The following CNTN5 variants were observed in gnomAD, a reference collection of about 807,000 sequenced individuals.
CNTN5 encodes the protein contactin-5.
CNTN5 carries 77 observed loss-of-function variants against 129.1 expected under a neutral mutation model. The ratio of observed to expected loss-of-function variants is 0.60; its 90% CI spans 0.50 to 0.72. The LOEUF (loss-of-function observed/expected upper bound fraction) is 0.72. Among genes scored for constraint, CNTN5 ranks in the 30% least tolerant of loss-of-function variants. The pLI, the probability that CNTN5 is intolerant of heterozygous loss-of-function variation, is 0.00. For synonymous variants in CNTN5, 509 were observed against 465.6 expected (o/e 1.09, Z -1.20); for missense variants, 1,478 against 1,328.8 (o/e 1.11, Z -1.75).
At chr11:99,952,840 G>T (rs1161128713) in intron 7 of CNTN5, among the ~76,000 whole-genome samples, 1 of 152,248 alleles carries the variant, frequency 6.6e-6, no homozygotes, top group African/African-American at 2.4e-5. Flanking sequence ...CCATAAAGTT[G>T]AGCATTTTAT....
At chr11:99,623,619 G>A (rs1224339450) in intron 3 of CNTN5, among the ~76,000 whole-genome samples, 5 of 151,816 alleles carry the variant, frequency 3.3e-5, no homozygotes, top group African/African-American at 9.7e-5. Context: ...CCAGGGTCTC[G>A]GGTCTAATCC....
intron 3 of CNTN5, among the ~76,000 whole-genome samples, chr11:99,646,300 C>T (rs1951957740): frequency 6.6e-6 from 1 of 152,148 alleles, no homozygotes; most frequent in Admixed American, 6.5e-5. Flanking sequence ...TTACATCTAC[C>T]CTAATATACA....
At chr11:99,540,415 A>G (rs1948059733) in intron 2 of CNTN5, among the ~76,000 whole-genome samples, 1 of 152,236 alleles carries the variant, frequency 6.6e-6, no homozygotes, top group Non-Finnish European at 1.5e-5. Flanking sequence ...TCTTCAAGAC[A>G]AATGTAGACA....
intron 6 of CNTN5, among the ~76,000 whole-genome samples, chr11:99,912,563 A>G (rs11221884): frequency 0.13 from 19,899 of 151,618 alleles, 1,673 homozygotes; most frequent in Non-Finnish European, 0.19. Flanking sequence ...CATCTGATCA[A>G]TATGGCTCAA....
At chr11:99,691,781 G>C (rs751907564) in intron 3 of CNTN5, among the ~76,000 whole-genome samples, 2 of 152,112 alleles carry the variant, frequency 1.3e-5, no homozygotes, top group African/African-American at 4.8e-5. Flanking sequence ...CCAGAGCTGA[G>C]TTCAGGTCCT....
At chr11:99,127,048 C>T (rs533580195) in intron 1 of CNTN5, among the ~76,000 whole-genome samples, 1 of 152,118 alleles carries the variant, frequency 6.6e-6, no homozygotes, top group Non-Finnish European at 1.5e-5. Context: ...CTTTTCTTTA[C>T]TCCCAATTCC....
intron 4 of CNTN5, among the ~76,000 whole-genome samples, chr11:99,831,115 C>T (rs938430339): frequency 1.3e-5 from 2 of 152,096 alleles, no homozygotes; most frequent in South Asian, 2.1e-4. Flanking sequence ...ATTGAGGTTT[C>T]GGACCATGAA....
intron 18 of CNTN5, among the ~76,000 whole-genome samples, chr11:100,278,487 G>A (rs900630055): frequency 6.6e-6 from 1 of 151,658 alleles, no homozygotes; most frequent in Non-Finnish European, 1.5e-5. Context: ...TCAATGTATT[G>A]CATCAGTTTT....
chr11:100,107,900 A>C (rs1224535403), intron 13 of CNTN5, among the ~76,000 whole-genome samples: 4 of 152,078 alleles, frequency 2.6e-5, no homozygotes, highest in Non-Finnish European at 5.9e-5. Flanking sequence ...CACAAAATGT[A>C]ATATAGTTTA....
intron 3 of CNTN5, among the ~76,000 whole-genome samples, chr11:99,814,789 C>A (rs1253958290): frequency 6.6e-6 from 1 of 152,038 alleles, no homozygotes. Flanking sequence ...ATGTATTAGT[C>A]TGTCTCCACC....
intron 2 of CNTN5, among the ~76,000 whole-genome samples, chr11:99,412,794 A>C (rs1475030124): frequency 3.9e-5 from 6 of 152,266 alleles, no homozygotes; most frequent in Non-Finnish European, 7.4e-5. Flanking sequence ...GTATTGTATT[A>C]TTGTTTCAAC....
At chr11:99,664,972 A>G (rs954303193) in intron 3 of CNTN5, among the ~76,000 whole-genome samples, 4 of 152,196 alleles carry the variant, frequency 2.6e-5, no homozygotes, top group East Asian at 1.9e-4. Context: ...CTTTATCAGG[A>G]CAGACTCATA....
intron 1 of CNTN5, among the ~76,000 whole-genome samples, chr11:99,215,516 G>A (rs146600912): frequency 0.011 from 1,742 of 152,248 alleles, 18 homozygotes; most frequent in Non-Finnish European, 0.017. Context: ...TATTTGGTTT[G>A]AGCAGCTGAG....
intron 9 of CNTN5, among the ~76,000 whole-genome samples, chr11:100,010,097 G>A (rs1447480131): frequency 6.6e-6 from 1 of 152,118 alleles, no homozygotes; most frequent in Non-Finnish European, 1.5e-5. Context: ...AAGGGGTCAA[G>A]GGACAATGCA....
intron 2 of CNTN5, among the ~76,000 whole-genome samples, chr11:99,335,597 A>G (rs1203850708): frequency 1.3e-5 from 2 of 152,112 alleles, no homozygotes; most frequent in African/African-American, 4.8e-5. Flanking sequence ...ATGCAAGTAT[A>G]TGGAGCTTCA....
chr11:100,188,536 G>A (rs1230281819), intron 13 of CNTN5, among the ~76,000 whole-genome samples: 6 of 152,092 alleles, frequency 3.9e-5, no homozygotes, highest in Admixed American at 3.3e-4. Context: ...AAGCCATAAT[G>A]AGACACCATC....
chr11:99,386,811 T>C (rs1940952511), intron 2 of CNTN5, among the ~76,000 whole-genome samples: 1 of 152,138 alleles, frequency 6.6e-6, no homozygotes, highest in Non-Finnish European at 1.5e-5. Context: ...AGGAGCCAGA[T>C]ATAGGGAAAC....
intron 15 of CNTN5, among the ~76,000 whole-genome samples, chr11:100,205,744 T>C (rs1591391684): frequency 6.6e-6 from 1 of 152,050 alleles, no homozygotes; most frequent in African/African-American, 2.4e-5. Context: ...TTAGATATTA[T>C]AACTAATCTA....
intron 8 of CNTN5, among the ~76,000 whole-genome samples, chr11:99,976,703 A>C (rs1374405340): frequency 6.6e-6 from 1 of 152,198 alleles, no homozygotes; most frequent in Non-Finnish European, 1.5e-5. Context: ...CCGAGGCTGC[A>C]CAGTGCAACT....
Sources: gnomAD v4.1 joint callset for allele counts (sites outside exome capture counted in the v4.1 genomes callset) on GRCh38, gnomAD v4.1.1 for gene constraint, MANE v1.5 for transcripts, NCBI Gene and HGNC (gene_info 2026-07-23, HGNC 2026-07-21) for gene names.